The following CAST variants were observed in gnomAD, a reference collection of about 807,000 sequenced individuals.
CAST encodes the protein MIR583 host.
CAST carries 76 observed loss-of-function variants against 119.6 expected under a neutral mutation model. The ratio of observed to expected loss-of-function variants is 0.64; its 90% CI spans 0.53 to 0.77. The LOEUF (loss-of-function observed/expected upper bound fraction) is 0.77. CAST is among the 30% of genes least tolerant of loss of function. The pLI, the probability that CAST is intolerant of heterozygous loss-of-function variation, is 0.00. For synonymous variants in CAST, 319 were observed against 331.6 expected (o/e 0.96, Z 0.41); for missense variants, 953 against 946.5 (o/e 1.01, Z -0.09).
the CAST span, chr5:96,392,018 T>C: frequency 6.6e-6 from 1 of 152,178 alleles, no homozygotes; most frequent in South Asian, 2.1e-4. Flanking sequence ...GCTGTTCTAA[T>C]GAACACAGTT....
the CAST span, among the ~76,000 whole-genome samples, chr5:96,424,979 TAGAAAGAA>T: frequency 4.6e-5 from 3 of 65,736 alleles, no homozygotes; most frequent in Non-Finnish European, 9.7e-5. Context: ...AAAAGAAAGA[TAGAAAGAA>T]AGAAAGAAAG....
intron 3 of CAST, among the ~76,000 whole-genome samples, chr5:96,719,519 A>G (rs1346320587): frequency 6.6e-6 from 1 of 152,162 alleles, no homozygotes; most frequent in African/African-American, 2.4e-5. Context: ...AGTAATTTCT[A>G]TTAAGGAACT....
At chr5:96,585,532 G>A (rs555675039) in intron 1 of CAST, among the ~76,000 whole-genome samples, 2 of 152,222 alleles carry the variant, frequency 1.3e-5, no homozygotes, top group South Asian at 4.1e-4. Context: ...TTATACCATA[G>A]CAAAGTTGAG....
At chr5:96,665,519 G>A (rs183862591) in intron 1 of CAST, among the ~76,000 whole-genome samples, 1 of 152,276 alleles carries the variant, frequency 6.6e-6, no homozygotes, top group African/African-American at 2.4e-5. Context: ...CTAGACCATG[G>A]ACTCCTAAAC....
chr5:96,644,465 G>T (rs1429867671), intron 1 of CAST, among the ~76,000 whole-genome samples: 1 of 152,082 alleles, frequency 6.6e-6, no homozygotes, highest in African/African-American at 2.4e-5. Flanking sequence ...ATATTTTGGC[G>T]GTGTCCATTC....
At chr5:96,653,123 G>A (rs775968964) in intron 1 of CAST, among the ~76,000 whole-genome samples, 1 of 152,158 alleles carries the variant, frequency 6.6e-6, no homozygotes, top group Non-Finnish European at 1.5e-5. Flanking sequence ...CAGGCTCCAG[G>A]GACACATCTA....
the CAST span, among the ~76,000 whole-genome samples, chr5:96,133,303 A>AC: frequency 1.3e-5 from 2 of 151,944 alleles, no homozygotes; most frequent in African/African-American, 2.4e-5. Context: ...GAAAAAAAAA[A>AC]AACACACACA....
At chr5:96,055,010 C>G in the CAST span, among the ~76,000 whole-genome samples, 80 of 152,236 alleles carry the variant, frequency 5.3e-4, 2 homozygotes, top group Admixed American at 5.1e-3. Context: ...CAAACATTAG[C>G]TATTCTTCAT....
the CAST span, among the ~76,000 whole-genome samples, chr5:96,278,955 TGTTA>T: frequency 6.6e-6 from 1 of 152,266 alleles, no homozygotes; most frequent in Non-Finnish European, 1.5e-5. Context: ...AAGCAGCCAC[TGTTA>T]GCACCATTAT....
intron 4 of CAST, among the ~76,000 whole-genome samples, chr5:96,722,917 A>G (rs1265346392): frequency 2.0e-5 from 3 of 151,962 alleles, no homozygotes; most frequent in Admixed American, 6.6e-5. Flanking sequence ...TTATCTAGAA[A>G]AGTAGAGTCA....
At chr5:96,450,777 A>T in the CAST span, among the ~76,000 whole-genome samples, 6 of 152,182 alleles carry the variant, frequency 3.9e-5, no homozygotes, top group Non-Finnish European at 7.3e-5. Flanking sequence ...AAATTAAAAA[A>T]TGCACCCCTA....
chr5:96,234,342 A>G, the CAST span, among the ~76,000 whole-genome samples: 1 of 152,180 alleles, frequency 6.6e-6, no homozygotes, highest in Non-Finnish European at 1.5e-5. Context: ...GATGCTTTAG[A>G]TTTTACTCTA....
chr5:96,443,814 C>T, the CAST span, among the ~76,000 whole-genome samples: 8 of 152,272 alleles, frequency 5.3e-5, no homozygotes, highest in African/African-American at 1.9e-4. Context: ...GAGATTAACC[C>T]TAGAAGTAAA....
the CAST span, among the ~76,000 whole-genome samples, chr5:96,085,218 G>C: frequency 6.6e-6 from 1 of 151,982 alleles, no homozygotes. Context: ...AATGTCTACT[G>C]TCTATCAATT....
Position 96,588,196 on chromosome 5 carries a change from C to CTTTTTTTTTTTTTTTTTTTTTTTTTTTTT in CAST, c.60+58340_60+58341insTTTTTTTTTTTTTTTTTTTTTTTTTTTTT, listed in dbSNP as rs140665192. Among the ~76,000 whole-genome samples, 11 of 75,842 alleles carry CTTTTTTTTTTTTTTTTTTTTTTTTTTTTT rather than the reference C, an allele frequency of 1.5e-4. 1 individual carries two copies. The highest frequency in any genetic ancestry group is 2.1e-4 in the Admixed American group (1 of 4,870). 49.8% of individuals were successfully genotyped at this position (75,842 alleles called of 152,430 possible). A position where few individuals can be genotyped will look rare whatever the true frequency, so the allele number is the denominator to read the frequency against. ...TATTATTTTCTTTCTTTCTTTCTTT[C>CTTTTTTTTTTTTTTTTTTTTTTTTTTTTT]TTTTTTTTTTTTTTTTTTTTTTTTG... On this transcript the variant is annotated intron_variant, in intron 1 of 11. Transcript: ENST00000505143.
chr5:96,531,459 C>G (rs1273468246), intron 1 of CAST, among the ~76,000 whole-genome samples: 2 of 128,020 alleles, frequency 1.6e-5, no homozygotes, highest in Non-Finnish European at 3.5e-5. Flanking sequence ...GAAACTGAGA[C>G]CTACACTCTC....
the CAST span, among the ~76,000 whole-genome samples, chr5:96,390,021 G>A: frequency 1.3e-5 from 2 of 152,334 alleles, no homozygotes; most frequent in South Asian, 4.1e-4. Flanking sequence ...ACTCTAGCCT[G>A]TAAACTAAGT....
At chr5:96,190,313 G>T in the CAST span, among the ~76,000 whole-genome samples, 10 of 152,242 alleles carry the variant, frequency 6.6e-5, no homozygotes, top group South Asian at 2.1e-3. Context: ...AGAAGTCCTG[G>T]GGTATGTTCA....
the CAST span, among the ~76,000 whole-genome samples, chr5:96,250,551 G>C: frequency 1.3e-5 from 2 of 152,090 alleles, no homozygotes; most frequent in African/African-American, 4.8e-5. Context: ...GACAACTCCT[G>C]CTTACTTCTT....
Sources: gnomAD v4.1 joint callset for allele counts (sites outside exome capture counted in the v4.1 genomes callset) on GRCh38, gnomAD v4.1.1 for gene constraint, MANE v1.5 for transcripts, NCBI Gene and HGNC (gene_info 2026-07-23, HGNC 2026-07-21) for gene names.